FBN1: variants seen among roughly 807,000 people sequenced by gnomAD.
FBN1 encodes fibrillin 1.
In FBN1, 29 loss-of-function variants were observed where a neutral mutation model predicts 365.1. The ratio of observed to expected loss-of-function variants is 0.08; its 90% CI spans 0.06 to 0.11. The LOEUF is 0.11. Among genes scored for constraint, FBN1 ranks in the 10% least tolerant of loss-of-function variants. The pLI is 1.00. For synonymous variants in FBN1, 1,210 were observed against 1,270.5 expected, an observed-to-expected ratio of 0.95 and a Z score of 1.01; for missense variants, 2,476 against 3,703.2, an observed-to-expected ratio of 0.67 and a Z score of 8.60.
rs564713154 is a variant in FBN1, at chr15:48,489,920, C to T, written c.3013G>A (p.Glu1005Lys). Residue 1005 changes from glutamate to lysine, a missense_variant, in exon 25 of 66, where the codon GAG becomes AAG. Coordinates refer to ENST00000316623, the MANE Select transcript of FBN1 (RefSeq NM_000138.5). ...ECPMRNTPEYEELCPRGPGFA... is the reference protein window; with the variant it reads ...ECPMRNTPEYKELCPRGPGFA... ...CCGGGTCCTCTCGGACACAGCTCCTCGTACTCAGGAGTATTTCTCATGGGA... is the reference window on the plus strand; with the variant it reads ...CCGGGTCCTCTCGGACACAGCTCCTTGTACTCAGGAGTATTTCTCATGGGA... 23 of 1,614,148 alleles carry T rather than the reference C, an allele frequency of 1.4e-5. No individual in the cohort carries two copies. The highest frequency in any genetic ancestry group is 1.3e-4 in the African/African-American group (10 of 75,006).
intron 2 of FBN1, chr15:48,643,516 C>T (rs1482884623): frequency 1.3e-5 from 2 of 152,144 alleles, no homozygotes; most frequent in Non-Finnish European, 2.9e-5. Context: ...AATTTTACTA[C>T]ATATACATGA....
chr15:48,602,002 CA>C (rs2044571611), intron 4 of FBN1, among the ~76,000 whole-genome samples: 2 of 152,142 alleles, frequency 1.3e-5, no homozygotes, highest in African/African-American at 4.8e-5. Flanking sequence ...ATCAGTCATT[CA>C]TTCACTCAAT....
chr15:48,534,654 A>C (rs921797658), intron 7 of FBN1, among the ~76,000 whole-genome samples: 6 of 152,254 alleles, frequency 3.9e-5, no homozygotes, highest in African/African-American at 1.4e-4. Context: ...AGTTGTACTG[A>C]GTGATTTAGT....
intron 6 of FBN1, among the ~76,000 whole-genome samples, chr15:48,550,191 G>A (rs542846392): frequency 2.6e-5 from 4 of 152,324 alleles, no homozygotes; most frequent in South Asian, 2.1e-4. Context: ...CCATTCAGAC[G>A]CCCTCGTGGC....
intron 41 of FBN1, 144 bp downstream of exon 41, chr15:48,463,755 G>T: frequency 1.1e-6 from 1 of 937,026 alleles, no homozygotes; most frequent in Non-Finnish European, 1.7e-6. Flanking sequence ...GATTTATAGG[G>T]GAAGAGTCTC....
At chr15:48,623,306 CTATT>C (rs1597639697) in intron 2 of FBN1, among the ~76,000 whole-genome samples, 2 of 152,298 alleles carry the variant, frequency 1.3e-5, no homozygotes, top group East Asian at 3.9e-4. Context: ...TAAAAGAAGA[CTATT>C]TAACACGTCT....
At chr15:48,440,177 G>C (rs550112125) in intron 50 of FBN1, among the ~76,000 whole-genome samples, 1 of 152,306 alleles carries the variant, frequency 6.6e-6, no homozygotes, top group South Asian at 2.1e-4. Context: ...CTGTTTACCA[G>C]TCCATCTGCA....
chr15:48,425,177 C>G (rs536383998), intron 60 of FBN1, among the ~76,000 whole-genome samples, 192 bp downstream of exon 60: 19 of 152,286 alleles, frequency 1.2e-4, no homozygotes, highest in Admixed American at 1.2e-3. Context: ...CAGCTGCTTC[C>G]TCCACAATCT....
At chr15:48,513,821 C>G (rs1294469606) in intron 12 of FBN1, among the ~76,000 whole-genome samples, 153 bp from the exon 13 acceptor site, 3 of 152,110 alleles carry the variant, frequency 2.0e-5, no homozygotes, top group Non-Finnish European at 4.4e-5. Context: ...TACAATATGT[C>G]ATTAGCCATT....
intron 32 of FBN1, among the ~76,000 whole-genome samples, chr15:48,479,954 C>T (rs778258277): frequency 1.3e-5 from 2 of 152,212 alleles, no homozygotes; most frequent in Non-Finnish European, 2.9e-5. Context: ...CCTCTAGACA[C>T]TGTGTCTATG....
At position 48,472,669 on chromosome 15, in the gene FBN1, A is replaced by G. The variant is rs759712586; in HGVS notation, c.4218T>C (p.Asp1406=). 9.3e-6 allele frequency: 15 copies of G among 1,614,064 alleles called. No homozygotes were observed. Among genetic ancestry groups the G allele is most frequent in the Non-Finnish European group, 1.2e-5 (14 of 1,180,026 alleles). The change falls in exon 35 of 66, where the codon GAT becomes GAC. Residue 1406 remains aspartate, a synonymous_variant. Coordinates refer to ENST00000316623, the MANE Select transcript of FBN1 (RefSeq NM_000138.5). ...AGAGATTCAGGTTCTCAGAGCACTC[A>G]TCAAGGTCTACAGCCAGAAAGAAAC... ...TGDGFTCTDL[D]ECSENLNLCG...
At position 48,408,910 on chromosome 15, in the gene FBN1, T is replaced by C. The variant is rs1021598518; in HGVS notation, c.*2080A>G. On this transcript the variant is annotated 3_prime_UTR_variant, in exon 66 of 66. Coordinates refer to ENST00000316623, the MANE Select transcript of FBN1 (RefSeq NM_000138.5). ...TAAATTATCAAAGACATTTTCCATA[T>C]GCAAACTGTTGTTTACCATATGCTA... 6 of 152,336 alleles carry C rather than the reference T, an allele frequency of 3.9e-5. No individual in the cohort carries two copies. The highest frequency in any genetic ancestry group is 1.2e-4 in the African/African-American group (5 of 41,472). The allele number at this position is 152,336 out of a possible 1,614,324, so 9.4% of individuals were successfully genotyped here.
intron 6 of FBN1, among the ~76,000 whole-genome samples, chr15:48,547,742 C>T (rs200723707): frequency 6.9e-6 from 1 of 145,512 alleles, no homozygotes; most frequent in Admixed American, 7.2e-5. Flanking sequence ...CACACACACA[C>T]ACACACACAC....
intron 6 of FBN1, among the ~76,000 whole-genome samples, chr15:48,566,965 T>C (rs2044262351): frequency 6.6e-6 from 1 of 152,190 alleles, no homozygotes; most frequent in Non-Finnish European, 1.5e-5. Context: ...AGCAGCCGCA[T>C]CACCATCACC....
intron 2 of FBN1, among the ~76,000 whole-genome samples, chr15:48,636,143 T>C (rs12019019): frequency 0.11 from 17,047 of 152,186 alleles, 2,892 homozygotes; most frequent in African/African-American, 0.37. Flanking sequence ...ATGAGGCCTA[T>C]GACTTGGATG....
Position 48,485,444 on chromosome 15 carries a change from G to A in FBN1, c.3642C>T (p.Asn1214=), listed in dbSNP as rs1196988265. ...AGCTACATTCATAGCTGCCTTCAGA[G>A]TTTGTGCAGAAGGTTTCACAACCAC... ...MNGGCETFCT[N]SEGSYECSCQ... Residue 1214 remains asparagine (N), a synonymous_variant, in exon 30 of 66, where the codon AAC becomes AAT. Transcript: ENST00000316623. 1.2e-6 allele frequency: 2 copies of A among 1,614,056 alleles called. No individual in the cohort carries two copies. The highest frequency in any genetic ancestry group is 1.3e-5 in the African/African-American group (1 of 74,924).
intron 15 of FBN1, among the ~76,000 whole-genome samples, chr15:48,508,314 G>C (rs1254893480): frequency 1.3e-5 from 2 of 152,146 alleles, no homozygotes; most frequent in South Asian, 2.1e-4. Context: ...AAGACCAATA[G>C]GCAGTTTGGA....
intron 6 of FBN1, among the ~76,000 whole-genome samples, chr15:48,589,140 G>A (rs1424939312): frequency 6.6e-6 from 1 of 152,166 alleles, no homozygotes; most frequent in Non-Finnish European, 1.5e-5. Context: ...GAACTCAAGA[G>A]GCTGGAAGTA....
intron 23 of FBN1, among the ~76,000 whole-genome samples, chr15:48,492,834 C>A (rs960535580): frequency 6.6e-6 from 1 of 152,212 alleles, no homozygotes; most frequent in Non-Finnish European, 1.5e-5. Context: ...TAGAGACAGG[C>A]AGCTGGTGTG....
Sources: allele counts gnomAD v4.1 joint callset (sites outside exome capture counted in the v4.1 genomes callset), GRCh38; gene constraint gnomAD v4.1.1; transcripts MANE v1.5; gene names NCBI Gene and HGNC (gene_info 2026-07-23, HGNC 2026-07-21).